The following MACO1 variants were observed in gnomAD, a reference collection of about 807,000 sequenced individuals.
MACO1 encodes the protein macoilin 1, also known as macoilin.
In MACO1, 14 loss-of-function variants were observed where a neutral mutation model predicts 78.7. The ratio of observed to expected loss-of-function variants is 0.18; its 90% CI spans 0.12 to 0.28. The LOEUF is 0.28. MACO1 is among the 10% of genes least tolerant of loss of function. The probability of loss-of-function intolerance (pLI) is 1.00; values close to 1 mark genes in which losing one functional copy is unlikely to be tolerated. For missense variants in MACO1, 501 were observed against 799.0 expected, an observed-to-expected ratio of 0.63 and a Z score of 4.50; for synonymous variants, 288 against 291.6, an observed-to-expected ratio of 0.99 and a Z score of 0.12.
intron 6 of MACO1, among the ~76,000 whole-genome samples, chr1:25,469,681 G>A (rs1286497851): frequency 7.0e-6 from 1 of 142,602 alleles, no homozygotes; most frequent in Non-Finnish European, 1.5e-5. Context: ...CTGTCACCCA[G>A]GCCGTAGTGC....
intron 4 of MACO1, among the ~76,000 whole-genome samples, chr1:25,456,416 G>A (rs2043121378): frequency 6.6e-6 from 1 of 152,210 alleles, no homozygotes; most frequent in Non-Finnish European, 1.5e-5. Flanking sequence ...AATGGGAAGT[G>A]TCGTCTTACG....
chr1:25,440,750 A>G (rs2042964497), intron 1 of MACO1, among the ~76,000 whole-genome samples: 1 of 145,348 alleles, frequency 6.9e-6, no homozygotes, highest in Non-Finnish European at 1.5e-5. Flanking sequence ...CCTGGGCGAC[A>G]GAGTGAGACT....
chr1:25,464,172 C>T (rs1208221360), intron 6 of MACO1, among the ~76,000 whole-genome samples: 1 of 152,088 alleles, frequency 6.6e-6, no homozygotes. Flanking sequence ...CCTACCCTCC[C>T]CTGACCCCTG....
intron 1 of MACO1, among the ~76,000 whole-genome samples, chr1:25,431,423 C>A (rs2042866252): frequency 6.7e-6 from 1 of 148,626 alleles, no homozygotes; most frequent in African/African-American, 2.4e-5. Flanking sequence ...GGAGCCGCCG[C>A]GCCGCCGTTG....
chr1:25,466,228 A>G (rs2043218319), intron 6 of MACO1, among the ~76,000 whole-genome samples: 1 of 152,224 alleles, frequency 6.6e-6, no homozygotes, highest in Non-Finnish European at 1.5e-5. Flanking sequence ...CATTCTCACC[A>G]GCAGTGTTTA....
In MACO1 at chr1:25,431,164, G is replaced by C; in HGVS notation, c.66G>C (p.Glu22Asp). 1 of 1,597,678 alleles carries C rather than the reference G, an allele frequency of 6.3e-7. No individual in the cohort carries two copies. Among genetic ancestry groups the C allele is most frequent in the Non-Finnish European group, 8.5e-7 (1 of 1,174,442 alleles). ...CCCTAAAGCGGAACCGGATCACCGAGGGCATTTACGGCAGGTGAGCGGCTG... is the reference window on the plus strand; with the variant it reads ...CCCTAAAGCGGAACCGGATCACCGACGGCATTTACGGCAGGTGAGCGGCTG... Reference protein sequence around the residue: ...RRPLKRNRITEGIYGSTFLYL... With the variant: ...RRPLKRNRITDGIYGSTFLYL... The change falls in exon 1 of 11, where the codon GAG becomes GAC. Residue 22 changes from glutamate to aspartate, a missense_variant. Transcript: ENST00000374343.
chr1:25,471,630 A>G (rs898465942), intron 6 of MACO1, among the ~76,000 whole-genome samples: 8 of 152,212 alleles, frequency 5.3e-5, no homozygotes, highest in African/African-American at 2.4e-5. Context: ...GAATTAATAA[A>G]TGCTACCTTT....
At chr1:25,492,536 C>T (rs2043496189) in intron 10 of MACO1, among the ~76,000 whole-genome samples, 1 of 151,840 alleles carries the variant, frequency 6.6e-6, no homozygotes. Context: ...GGGTACTCTG[C>T]AGGCAGAGGG....
chr1:25,457,810 T>A (rs964398089), intron 5 of MACO1, among the ~76,000 whole-genome samples: 4 of 152,192 alleles, frequency 2.6e-5, no homozygotes, highest in African/African-American at 9.7e-5. Context: ...CCTTAATAAA[T>A]TGGAATGTGT....
intron 1 of MACO1, among the ~76,000 whole-genome samples, chr1:25,438,499 G>A (rs2042939459): frequency 6.6e-6 from 1 of 152,176 alleles, no homozygotes; most frequent in Non-Finnish European, 1.5e-5. Flanking sequence ...AAGCTGCAAG[G>A]CACTATTGAA....
chr1:25,457,763 T>C (rs2043133942), intron 5 of MACO1, among the ~76,000 whole-genome samples: 1 of 152,212 alleles, frequency 6.6e-6, no homozygotes, highest in African/African-American at 2.4e-5. Context: ...AATTTTCTTT[T>C]TGTGTGATGT....
intron 6 of MACO1, 31 bp from the exon 7 acceptor site, chr1:25,484,085 G>C: frequency 1.3e-6 from 2 of 1,587,022 alleles, no homozygotes; most frequent in South Asian, 2.3e-5. Context: ...CCCTCACCTA[G>C]ATGAAAATGC....
intron 6 of MACO1, among the ~76,000 whole-genome samples, chr1:25,462,765 G>A (rs1482374377): frequency 1.7e-5 from 1 of 58,090 alleles, no homozygotes; most frequent in Non-Finnish European, 4.6e-5. Context: ...GTCCAATTAA[G>A]GTTTGATGGC....
intron 6 of MACO1, among the ~76,000 whole-genome samples, chr1:25,483,282 C>G (rs2043397163): frequency 6.6e-6 from 1 of 152,178 alleles, no homozygotes; most frequent in Admixed American, 6.5e-5. Flanking sequence ...AACTCCTGAC[C>G]TCAGGTGATC....
chr1:25,446,626 T>G, intron 1 of MACO1, 136 bp from the exon 2 acceptor site: 3 of 860,674 alleles, frequency 3.5e-6, no homozygotes, highest in Non-Finnish European at 5.0e-6. Flanking sequence ...CAGCATCTCT[T>G]TTTTGTGCTT....
At chr1:25,456,226 C>A (rs1490408995) in intron 4 of MACO1, among the ~76,000 whole-genome samples, 5 of 151,176 alleles carry the variant, frequency 3.3e-5, no homozygotes, top group Admixed American at 2.0e-4. Context: ...CCACTGCACT[C>A]CAGCCTGGGC....
chr1:25,470,712 T>C (rs2124597017), intron 6 of MACO1, among the ~76,000 whole-genome samples: 1 of 152,144 alleles, frequency 6.6e-6, no homozygotes, highest in African/African-American at 2.4e-5. Context: ...CAAAACAGAT[T>C]GTATAGTATG....
rs185316946 is a variant in MACO1 at position 25,451,324 on chromosome 1, C to T, written c.349+2390C>T. Among the ~76,000 whole-genome samples, 179 of 151,892 alleles carry T rather than the reference C, an allele frequency of 1.2e-3. 3 individuals carry two copies. In the East Asian group the frequency reaches 0.029, roughly 25 times the overall value. ...ATAATATTGTAGCATAAGCTTTTTT[C>T]CTGGTGGTTAAGAGGGGAAAAAAAC... On this transcript the variant is annotated intron_variant, in intron 3 of 10. Transcript: ENST00000374343.
intron 1 of MACO1, among the ~76,000 whole-genome samples, chr1:25,431,590 C>G (rs989868093): frequency 3.3e-5 from 5 of 152,112 alleles, no homozygotes; most frequent in South Asian, 2.1e-4. Flanking sequence ...GGGGGCTTGC[C>G]GGCCGGAGCC....
Sources: gnomAD v4.1 joint callset for allele counts (sites outside exome capture counted in the v4.1 genomes callset) on GRCh38, gnomAD v4.1.1 for gene constraint, MANE v1.5 for transcripts, NCBI Gene and HGNC (gene_info 2026-07-23, HGNC 2026-07-21) for gene names.